ZNF804A: variants seen among roughly 807,000 people sequenced by gnomAD.
ZNF804A encodes the protein zinc finger protein 804A.
ZNF804A carries 2 observed loss-of-function variants against 16.5 expected under a neutral mutation model. The ratio of observed to expected loss-of-function variants is 0.12; its 90% CI spans 0.05 to 0.38. The LOEUF is 0.38. ZNF804A is among the 10% of genes least tolerant of loss of function. ZNF804A has a pLI of 0.99. For synonymous variants in ZNF804A, 534 were observed against 489.6 expected, an observed-to-expected ratio of 1.09 and a Z score of -1.20; for missense variants, 1,473 against 1,390.7, an observed-to-expected ratio of 1.06 and a Z score of -0.94.
At chr2:184,703,161 T>C (rs1265518171) in intron 1 of ZNF804A, among the ~76,000 whole-genome samples, 1 of 152,176 alleles carries the variant, frequency 6.6e-6, no homozygotes, top group Non-Finnish European at 1.5e-5. Flanking sequence ...ATAATTTTAA[T>C]GGAAAAACTG....
chr2:184,670,346 C>T (rs1466935277), intron 1 of ZNF804A, among the ~76,000 whole-genome samples: 1 of 151,952 alleles, frequency 6.6e-6, no homozygotes, highest in Admixed American at 6.6e-5. Flanking sequence ...TCACTTTTCC[C>T]TAAAAAATAG....
At chr2:184,777,116 A>G (rs1357407324) in intron 1 of ZNF804A, among the ~76,000 whole-genome samples, 4 of 151,354 alleles carry the variant, frequency 2.6e-5, no homozygotes, top group African/African-American at 4.8e-5. Flanking sequence ...TTTTGTCCCA[A>G]TTGTAGCTGA....
intron 1 of ZNF804A, among the ~76,000 whole-genome samples, chr2:184,633,401 A>G (rs1691643795): frequency 6.6e-6 from 1 of 152,134 alleles, no homozygotes; most frequent in Non-Finnish European, 1.5e-5. Context: ...GTGCTACTTA[A>G]AATTGCTCTA....
intron 2 of ZNF804A, among the ~76,000 whole-genome samples, chr2:184,913,456 G>A (rs1406035066): frequency 6.6e-6 from 1 of 152,054 alleles, no homozygotes; most frequent in Non-Finnish European, 1.5e-5. Context: ...AAGTCCACTA[G>A]CAACAACTCC....
At chr2:184,855,703 G>GT (rs1346473206) in intron 1 of ZNF804A, among the ~76,000 whole-genome samples, 2 of 151,848 alleles carry the variant, frequency 1.3e-5, no homozygotes, top group Non-Finnish European at 2.9e-5. Context: ...GGTGTGGAAG[G>GT]TTTTCAGGAG....
Position 184,938,769 on chromosome 2 carries a change from C to T in ZNF804A, c.3373C>T (p.Leu1125Phe). The change falls in exon 4 of 4, where the codon CTT becomes TTT. Residue 1125 changes from leucine to phenylalanine, a missense_variant. Physicochemically the swap from Leu to Phe is conservative, Grantham distance 22. Coordinates refer to ENST00000302277, the MANE Select transcript of ZNF804A (RefSeq NM_194250.2). Reference sequence around the variant, plus strand: ...CGCAGCTGCAGGAACCTTTAAAGTGCTTCAGCCACACCAACAGTTTCTTTC... The same window carrying T: ...CGCAGCTGCAGGAACCTTTAAAGTGTTTCAGCCACACCAACAGTTTCTTTC... ...AAAAAGTFKV[L>F]QPHQQFLSQI... is the part of the protein sequence containing the mutation. 6.2e-7 allele frequency: 1 copy of T among 1,613,628 alleles called. No homozygotes were observed. Among genetic ancestry groups the T allele is most frequent in the Non-Finnish European group, 8.5e-7 (1 of 1,179,822 alleles).
intron 1 of ZNF804A, among the ~76,000 whole-genome samples, chr2:184,729,460 C>G (rs1693475983): frequency 1.3e-5 from 2 of 151,810 alleles, no homozygotes; most frequent in South Asian, 4.1e-4. Flanking sequence ...AAATGGAACC[C>G]ATGATTTCAA....
intron 2 of ZNF804A, among the ~76,000 whole-genome samples, chr2:184,927,151 T>C (rs1685624908): frequency 6.6e-6 from 1 of 152,156 alleles, no homozygotes; most frequent in East Asian, 1.9e-4. Context: ...TTTTAGAAGG[T>C]TTTTCCAGGT....
chr2:184,746,935 CTG>C (rs1036716060), intron 1 of ZNF804A, among the ~76,000 whole-genome samples: 16 of 151,284 alleles, frequency 1.1e-4, no homozygotes, highest in African/African-American at 2.9e-4. Context: ...AGAAATCAAA[CTG>C]AGAGAGTTTT....
intron 1 of ZNF804A, among the ~76,000 whole-genome samples, chr2:184,716,570 A>G (rs1693217138): frequency 6.6e-6 from 1 of 152,164 alleles, no homozygotes; most frequent in South Asian, 2.1e-4. Context: ...TGTGGGATCT[A>G]AAATAAAAGA....
At chr2:184,713,917 TG>T (rs1235553999) in intron 1 of ZNF804A, among the ~76,000 whole-genome samples, 1 of 151,984 alleles carries the variant, frequency 6.6e-6, no homozygotes, top group African/African-American at 2.4e-5. Flanking sequence ...ATAATATGCA[TG>T]GGAAATTAAG....
At chr2:184,921,190 G>A (rs1425275618) in intron 2 of ZNF804A, among the ~76,000 whole-genome samples, 2 of 152,118 alleles carry the variant, frequency 1.3e-5, no homozygotes, top group African/African-American at 2.4e-5. Context: ...TTTTCTAGAT[G>A]TAAATATGAC....
chr2:184,730,870 GT>G (rs1693502252), intron 1 of ZNF804A, among the ~76,000 whole-genome samples: 1 of 150,114 alleles, frequency 6.7e-6, no homozygotes, highest in Admixed American at 6.6e-5. Flanking sequence ...GTGGACATAA[GT>G]TTTGAACTTC....
At chr2:184,612,435 A>ATT (rs71403979) in intron 1 of ZNF804A, among the ~76,000 whole-genome samples, 70 of 142,850 alleles carry the variant, frequency 4.9e-4, no homozygotes, top group Non-Finnish European at 7.8e-4. Flanking sequence ...GAAAGATGTA[A>ATT]TTTTTTTTTT....
chr2:184,746,967 G>A lies in ZNF804A; in HGVS notation c.112-119402G>A, dbSNP rs374334869. Reference sequence around the variant, plus strand: ...AGTTTTCAGTTCATTTCAGACAATCGACAAAAGATTGCATGTTTTACTTGA... The same window carrying A: ...AGTTTTCAGTTCATTTCAGACAATCAACAAAAGATTGCATGTTTTACTTGA... On this transcript the variant is annotated intron_variant, in intron 1 of 3. Transcript: ENST00000302277. 3.3e-5 allele frequency among the ~76,000 whole-genome samples: 5 copies of A among 151,178 alleles called. No individual in the cohort carries two copies. The East Asian group carries it at 7.8e-4, about 23-fold the overall frequency.
At chr2:184,655,300 A>G (rs903217506) in intron 1 of ZNF804A, among the ~76,000 whole-genome samples, 3 of 152,210 alleles carry the variant, frequency 2.0e-5, no homozygotes, top group African/African-American at 7.2e-5. Context: ...AATGCTGTTG[A>G]TAAACTGCAG....
chr2:184,694,956 G>A (rs1692803581), intron 1 of ZNF804A, among the ~76,000 whole-genome samples: 3 of 152,138 alleles, frequency 2.0e-5, no homozygotes, highest in South Asian at 4.1e-4. Context: ...CCCCATCTTG[G>A]GGCAGGTCTT....
intron 2 of ZNF804A, among the ~76,000 whole-genome samples, chr2:184,931,315 T>A (rs992999459): frequency 8.5e-5 from 13 of 152,218 alleles, no homozygotes; most frequent in Non-Finnish European, 1.9e-4. Flanking sequence ...TAGCAGAGGT[T>A]CTCCATGAGG....
intron 1 of ZNF804A, among the ~76,000 whole-genome samples, chr2:184,709,952 T>C (rs1372968477): frequency 6.6e-6 from 1 of 150,550 alleles, no homozygotes; most frequent in Non-Finnish European, 1.5e-5. Flanking sequence ...TATATTAATA[T>C]ACCTAATTTA....
Sources: gnomAD v4.1 joint callset for allele counts (sites outside exome capture counted in the v4.1 genomes callset) on GRCh38, gnomAD v4.1.1 for gene constraint, MANE v1.5 for transcripts, NCBI Gene and HGNC (gene_info 2026-07-23, HGNC 2026-07-21) for gene names.